The following LIPI variants were observed in gnomAD, a reference collection of about 807,000 sequenced individuals.
The protein encoded by LIPI is lipase I, also known as lipase member I.
LIPI carries 59 observed loss-of-function variants against 50.6 expected under a neutral mutation model. The observed-to-expected ratio is 1.16, with a 90% CI of 0.94 to 1.45. The LOEUF is 1.45. Among genes scored for constraint, LIPI ranks in the 40% most tolerant of loss-of-function variants. LIPI has a pLI of 0.00. For synonymous variants in LIPI, 203 were observed against 178.2 expected (o/e 1.14, Z -1.11); for missense variants, 586 against 536.3 (o/e 1.09, Z -0.92).
intron 4 of LIPI, among the ~76,000 whole-genome samples, chr21:14,170,932 T>C: frequency 6.6e-6 from 1 of 151,780 alleles, no homozygotes; most frequent in Admixed American, 6.6e-5. Context: ...ATTGTACCTG[T>C]TTGCAGATGA....
rs184704912 is a variant in LIPI, at chr21:14,203,394, T to C, written c.46+7406A>G. Among the ~76,000 whole-genome samples, 8 of 152,280 alleles carry C rather than the reference T, an allele frequency of 5.3e-5. No homozygotes were observed. The East Asian group carries it at 7.7e-4, about 15-fold the overall frequency. On this transcript the variant is annotated intron_variant, in intron 1 of 9. Coordinates refer to ENST00000681601, the MANE Select transcript of LIPI (RefSeq NM_001302998.2). ...AAAGATACATACACACTTACGTTTA[T>C]TGCAGCACTATTCACAATAGCAAAG... is the stretch of plus-strand genomic sequence containing the variant.
In LIPI at chr21:14,108,883, A is replaced by G. The variant is rs1347122670; in HGVS notation, c.*110T>C. The G allele has an allele frequency of 1.5e-6, 2 of 1,350,840 alleles. No homozygotes were observed. The highest frequency in any genetic ancestry group is 2.0e-5 in the Admixed American group (1 of 50,594). The allele number at this position is 1,350,840 out of a possible 1,614,324, so 83.7% of individuals were successfully genotyped here. A position where few individuals can be genotyped will look rare whatever the true frequency, so the allele number is the denominator to read the frequency against. ...ATTCTTAAAATTTTTTCCAAGAAAT[A>G]GAAATACTTGAATCTCAAATTGAAC... is the stretch of plus-strand genomic sequence containing the variant. On this transcript the variant is annotated 3_prime_UTR_variant, in exon 10 of 10. Coordinates refer to ENST00000681601, the MANE Select transcript of LIPI (RefSeq NM_001302998.2).
intron 9 of LIPI, among the ~76,000 whole-genome samples, chr21:14,113,106 G>A (rs192028411): frequency 1.1e-3 from 168 of 152,298 alleles, no homozygotes; most frequent in African/African-American, 3.7e-3. Flanking sequence ...TAACATAACA[G>A]TATTTTGAGA....
chr21:14,177,254 GA>G (rs1419771495), intron 4 of LIPI, among the ~76,000 whole-genome samples: 1 of 151,958 alleles, frequency 6.6e-6, no homozygotes, highest in African/African-American at 2.4e-5. Context: ...GTCTAATATA[GA>G]TTTACCACCA....
At chr21:14,203,707 A>T (rs1482318809) in intron 1 of LIPI, among the ~76,000 whole-genome samples, 2 of 151,688 alleles carry the variant, frequency 1.3e-5, no homozygotes, top group Non-Finnish European at 2.9e-5. Flanking sequence ...GGGGGGAGGG[A>T]TAGCATTAGG....
At chr21:14,172,778 AATG>A (rs2018964597) in intron 4 of LIPI, among the ~76,000 whole-genome samples, 1 of 152,044 alleles carries the variant, frequency 6.6e-6, no homozygotes, top group Non-Finnish European at 1.5e-5. Flanking sequence ...ATGACGAGTT[AATG>A]GGTGCAGCAC....
intron 9 of LIPI, chr21:14,143,565 T>A (rs187888113): frequency 2.0e-5 from 3 of 152,158 alleles, no homozygotes; most frequent in Admixed American, 2.0e-4. Context: ...TAAATATATA[T>A]AAATACAGGA....
At chr21:14,153,942 C>A (rs1438496829) in intron 7 of LIPI, among the ~76,000 whole-genome samples, 1 of 151,998 alleles carries the variant, frequency 6.6e-6, no homozygotes, top group Non-Finnish European at 1.5e-5. Flanking sequence ...TGTTGAAAGA[C>A]CCCCACAAAT....
At position 14,159,125 on chromosome 21, in the gene LIPI, C is replaced by CT. The variant is rs913996214; in HGVS notation, c.1006+4293dup. Among the ~76,000 whole-genome samples, 24 of 151,452 alleles carry CT rather than the reference C, an allele frequency of 1.6e-4. 1 individual carries two copies. The highest frequency in any genetic ancestry group is 5.5e-4 in the African/African-American group (23 of 41,460). On this transcript the variant is annotated intron_variant, in intron 7 of 9. Transcript: ENST00000681601. ...CAACAGAGAAGGGAAAACTTGCCCACTTTTTTTATGACGTTGTATTATTAT... is the reference window on the plus strand; with the variant it reads ...CAACAGAGAAGGGAAAACTTGCCCACTTTTTTTTATGACGTTGTATTATTAT...
At chr21:14,194,866 C>A (rs1002598803) in intron 1 of LIPI, among the ~76,000 whole-genome samples, 21 of 152,142 alleles carry the variant, frequency 1.4e-4, no homozygotes, top group Non-Finnish European at 2.5e-4. Context: ...CATTAAGAAT[C>A]CAATTCCTGT....
intron 4 of LIPI, among the ~76,000 whole-genome samples, chr21:14,175,434 G>A (rs372738258): frequency 2.0e-5 from 3 of 152,120 alleles, no homozygotes; most frequent in East Asian, 3.9e-4. Flanking sequence ...TAACTAGGTT[G>A]TCTTTGTCTT....
At chr21:14,189,519 T>C in intron 1 of LIPI, 100 bp from the exon 2 acceptor site, 1 of 1,054,734 alleles carries the variant, frequency 9.5e-7, no homozygotes, top group Non-Finnish European at 1.4e-6. Context: ...TAGGGAGGAT[T>C]TCATTTCATG....
At chr21:14,112,773 T>C (rs1408564827) in intron 9 of LIPI, among the ~76,000 whole-genome samples, 1 of 152,110 alleles carries the variant, frequency 6.6e-6, no homozygotes, top group Non-Finnish European at 1.5e-5. Context: ...ATTATGAATC[T>C]TTTCATAAAT....
chr21:14,161,323 A>G (rs1489323167), intron 7 of LIPI, among the ~76,000 whole-genome samples: 1 of 145,886 alleles, frequency 6.9e-6, no homozygotes, highest in East Asian at 2.0e-4. Flanking sequence ...CTATAGATAT[A>G]TATGTAATAT....
chr21:14,166,264 A>C (rs2123162754), intron 5 of LIPI, 98 bp downstream of exon 5: 1 of 794,238 alleles, frequency 1.3e-6, no homozygotes, highest in South Asian at 1.4e-5. Flanking sequence ...TGATGATGAA[A>C]TCAAAACACT....
chr21:14,159,082 G>T (rs1405669140), intron 7 of LIPI, among the ~76,000 whole-genome samples: 1 of 151,368 alleles, frequency 6.6e-6, no homozygotes, highest in Non-Finnish European at 1.5e-5. Flanking sequence ...AATCTTGCAC[G>T]ATCTCTTTCA....
intron 1 of LIPI, among the ~76,000 whole-genome samples, chr21:14,195,526 A>T (rs1487140244): frequency 2.0e-5 from 3 of 152,184 alleles, no homozygotes; most frequent in Non-Finnish European, 4.4e-5. Flanking sequence ...CAGCCTCATT[A>T]TCTGGCAAAG....
chr21:14,170,149 T>G (rs2018840338), intron 4 of LIPI, among the ~76,000 whole-genome samples: 1 of 152,114 alleles, frequency 6.6e-6, no homozygotes, highest in Non-Finnish European at 1.5e-5. Context: ...ATACACCCTC[T>G]GAAGACTAAA....
At chr21:14,191,376 CAAA>C (rs71183411) in intron 1 of LIPI, among the ~76,000 whole-genome samples, 8 of 86,286 alleles carry the variant, frequency 9.3e-5, no homozygotes, top group East Asian at 3.5e-4. Flanking sequence ...GACTCCGTCT[CAAA>C]AAAAAAAAAA....
Sources: allele counts gnomAD v4.1 joint callset (sites outside exome capture counted in the v4.1 genomes callset), GRCh38; gene constraint gnomAD v4.1.1; transcripts MANE v1.5; gene names NCBI Gene and HGNC (gene_info 2026-07-23, HGNC 2026-07-21).